The following MYT1L variants were observed in gnomAD, a reference collection of about 807,000 sequenced individuals.
MYT1L encodes myelin transcription factor 1 like, also known as myelin transcription factor 1-like protein.
A neutral mutation model predicts 126.7 loss-of-function variants in MYT1L; 12 were observed. That is an observed-to-expected ratio of 0.09 (90% CI 0.06 to 0.15). The LOEUF (loss-of-function observed/expected upper bound fraction) is 0.15, where lower values mean the gene tolerates loss of function less well. Among genes scored for constraint, MYT1L ranks in the 10% least tolerant of loss-of-function variants. The pLI is 1.00. For missense variants in MYT1L, 979 were observed against 1,585.2 expected (o/e 0.62, Z 6.49); for synonymous variants, 541 against 604.2 (o/e 0.90, Z 1.53).
chr2:2,315,321 G>A (rs923306230), intron 1 of MYT1L, among the ~76,000 whole-genome samples: 6 of 152,006 alleles, frequency 3.9e-5, no homozygotes, highest in Admixed American at 2.6e-4. Context: ...ATCATTGTCG[G>A]CAGCCAAAGT....
intron 21 of MYT1L, among the ~76,000 whole-genome samples, chr2:1,829,597 G>A (rs372827065): frequency 2.5e-3 from 146 of 58,384 alleles, no homozygotes; most frequent in African/African-American, 4.4e-3. Flanking sequence ...ACCCTCCCAT[G>A]CACCTGTGAA....
chr2:1,904,689 G>A (rs955982568), intron 13 of MYT1L, among the ~76,000 whole-genome samples: 5 of 151,476 alleles, frequency 3.3e-5, no homozygotes, highest in African/African-American at 7.3e-5. Flanking sequence ...ACTGTTAATC[G>A]TAACATCCTA....
At chr2:2,114,670 C>T (rs547327063) in intron 3 of MYT1L, among the ~76,000 whole-genome samples, 3 of 152,206 alleles carry the variant, frequency 2.0e-5, no homozygotes, top group South Asian at 2.1e-4. Flanking sequence ...AAGAGGTACC[C>T]AATAATGATT....
intron 14 of MYT1L, among the ~76,000 whole-genome samples, chr2:1,896,497 T>C (rs1407887535): frequency 6.6e-6 from 1 of 152,222 alleles, no homozygotes; most frequent in African/African-American, 2.4e-5. Flanking sequence ...TGTGATACTA[T>C]GCAGCCATAA....
intron 2 of MYT1L, among the ~76,000 whole-genome samples, chr2:2,197,413 A>G (rs1197464285): frequency 2.6e-5 from 4 of 152,180 alleles, no homozygotes; most frequent in African/African-American, 4.8e-5. Flanking sequence ...ATAAAATACT[A>G]TTGACTGTGC....
intron 3 of MYT1L, among the ~76,000 whole-genome samples, chr2:2,084,632 G>A (rs554460707): frequency 6.6e-5 from 10 of 152,282 alleles, no homozygotes; most frequent in Non-Finnish European, 8.8e-5. Flanking sequence ...CTGGAACCCC[G>A]AGAGAACTGA....
intron 3 of MYT1L, among the ~76,000 whole-genome samples, chr2:2,107,014 A>G (rs1296578070): frequency 6.6e-6 from 1 of 151,490 alleles, no homozygotes; most frequent in Admixed American, 6.6e-5. Context: ...CAGAGCTGGA[A>G]GTACCTCATC....
Position 1,864,302 on chromosome 2 carries a change from G to T in MYT1L, c.2712-12599C>A, listed in dbSNP as rs541234269. Among the ~76,000 whole-genome samples, 3 of 152,246 alleles carry T rather than the reference G, an allele frequency of 2.0e-5. No homozygotes were observed. The East Asian group carries it at 5.8e-4, about 29-fold the overall frequency. On this transcript the variant is annotated intron_variant, in intron 18 of 24. Transcript: ENST00000647738. ...GACCTGGCAGGTCCGGGGCCTTCTG[G>T]AAACCCCTGCCTAGGGGCTGCACCC...
intron 5 of MYT1L, among the ~76,000 whole-genome samples, chr2:1,992,361 C>T (rs577631789): frequency 8.5e-5 from 13 of 152,188 alleles, no homozygotes; most frequent in Admixed American, 7.8e-4. Flanking sequence ...CATTTTTTCC[C>T]GTTTCCTTGC....
At chr2:2,160,770 G>C (rs2087737772) in intron 3 of MYT1L, among the ~76,000 whole-genome samples, 1 of 152,164 alleles carries the variant, frequency 6.6e-6, no homozygotes, top group Non-Finnish European at 1.5e-5. Context: ...GGAAAACACA[G>C]ACTGGGGTAC....
At chr2:2,036,574 C>T (rs1305564574) in intron 4 of MYT1L, among the ~76,000 whole-genome samples, 1 of 152,260 alleles carries the variant, frequency 6.6e-6, no homozygotes, top group Admixed American at 6.5e-5. Flanking sequence ...ATGGCAGAAA[C>T]TCGGCAGCCA....
intron 23 of MYT1L, 28 bp from the exon 24 acceptor site, chr2:1,792,492 TA>T: frequency 6.2e-7 from 1 of 1,605,048 alleles, no homozygotes; most frequent in Non-Finnish European, 8.5e-7. Flanking sequence ...GCGTGACATG[TA>T]ACACCAGGAG....
At chr2:2,097,933 C>G (rs1277919866) in intron 3 of MYT1L, among the ~76,000 whole-genome samples, 1 of 152,112 alleles carries the variant, frequency 6.6e-6, no homozygotes, top group Non-Finnish European at 1.5e-5. Flanking sequence ...AGTTCTTGTT[C>G]TGAGTTCATG....
At chr2:2,136,419 G>T (rs1369504564) in intron 3 of MYT1L, among the ~76,000 whole-genome samples, 6 of 152,154 alleles carry the variant, frequency 3.9e-5, no homozygotes, top group African/African-American at 1.2e-4. Context: ...CCAAGGCTGA[G>T]AATCTTCTTG....
At chr2:2,016,344 G>A (rs567945859) in intron 4 of MYT1L, among the ~76,000 whole-genome samples, 4 of 152,224 alleles carry the variant, frequency 2.6e-5, no homozygotes, top group Non-Finnish European at 5.9e-5. Context: ...TGGCCGGGAA[G>A]CTGTCTGAAA....
At chr2:2,001,237 C>CTTTTTTTTTTTTTTTTCTTTTTTTTTT (rs11389323) in intron 4 of MYT1L, among the ~76,000 whole-genome samples, 1 of 103,910 alleles carries the variant, frequency 9.6e-6, no homozygotes, top group Non-Finnish European at 1.9e-5. Context: ...TTGGTTTTAG[C>CTTTTTTTTTTTTTTTTCTTTTTTTTTT]TTTTTTTTTT....
chr2:2,141,775 T>C (rs1203566923), intron 3 of MYT1L, among the ~76,000 whole-genome samples: 2 of 152,146 alleles, frequency 1.3e-5, no homozygotes, highest in Non-Finnish European at 1.5e-5. Flanking sequence ...AGTTGGGTGC[T>C]AGAACGAAGA....
At chr2:2,055,666 A>G (rs1433825528) in intron 3 of MYT1L, among the ~76,000 whole-genome samples, 2 of 152,262 alleles carry the variant, frequency 1.3e-5, no homozygotes, top group African/African-American at 4.8e-5. Context: ...AAACCAACAT[A>G]AAGCAAAACA....
At chr2:2,023,031 T>C (rs1280797211) in intron 4 of MYT1L, among the ~76,000 whole-genome samples, 3 of 152,146 alleles carry the variant, frequency 2.0e-5, no homozygotes, top group Admixed American at 6.5e-5. Flanking sequence ...ATGATACTTG[T>C]TGGGTTAGCC....
Sources: gnomAD v4.1 joint callset for allele counts (sites outside exome capture counted in the v4.1 genomes callset) on GRCh38, gnomAD v4.1.1 for gene constraint, MANE v1.5 for transcripts, NCBI Gene and HGNC (gene_info 2026-07-23, HGNC 2026-07-21) for gene names.